The following TMC2 variants were observed in gnomAD, a reference collection of about 807,000 sequenced individuals.
TMC2 encodes transmembrane channel-like protein 2.
In TMC2, 102 loss-of-function variants were observed where a neutral mutation model predicts 105.9. That is an observed-to-expected ratio of 0.96 (90% CI 0.82 to 1.14). The LOEUF is 1.14. TMC2 is among the 50% of genes most tolerant of loss of function. The pLI, the probability that TMC2 is intolerant of heterozygous loss-of-function variation, is 0.00. For synonymous variants in TMC2, 402 were observed against 422.8 expected, an observed-to-expected ratio of 0.95 and a Z score of 0.60; for missense variants, 1,093 against 1,134.3, an observed-to-expected ratio of 0.96 and a Z score of 0.52.
intron 10 of TMC2, among the ~76,000 whole-genome samples, chr20:2,597,859 C>T (rs1267382737): frequency 4.6e-5 from 7 of 152,052 alleles, no homozygotes; most frequent in Admixed American, 1.3e-4. Flanking sequence ...CCTGTTTCTA[C>T]GTGAAACACA....
At position 2,545,784 on chromosome 20, in the gene TMC2, A is replaced by C. The variant is rs545001914; in HGVS notation, c.82+8468A>C. Among the ~76,000 whole-genome samples, 94 of 151,424 alleles carry C rather than the reference A, an allele frequency of 6.2e-4. No homozygotes were observed. The Middle Eastern group carries it at 0.01, about 16-fold the overall frequency. On this transcript the variant is annotated intron_variant, in intron 2 of 19. Coordinates refer to ENST00000358864, the MANE Select transcript of TMC2 (RefSeq NM_080751.3). Reference sequence around the variant, plus strand: ...ACGAGGAAGAAGAAGATGAAGAAGAAGACGAAGATGAAGAAGGAAGAAGAA... The same window carrying C: ...ACGAGGAAGAAGAAGATGAAGAAGACGACGAAGATGAAGAAGGAAGAAGAA...
intron 2 of TMC2, among the ~76,000 whole-genome samples, chr20:2,538,055 G>T (rs571199076): frequency 1.1e-3 from 165 of 151,340 alleles, no homozygotes; most frequent in African/African-American, 3.9e-3. Flanking sequence ...ATTCTGGGAG[G>T]GAGGGCCCTT....
At chr20:2,546,476 C>G (rs1185456441) in intron 2 of TMC2, among the ~76,000 whole-genome samples, 1 of 45,712 alleles carries the variant, frequency 2.2e-5, no homozygotes, top group African/African-American at 9.6e-5. Flanking sequence ...GAGTAGTAAC[C>G]TGCAGAGTTG....
chr20:2,572,647 C>T (rs2086112260), intron 5 of TMC2, among the ~76,000 whole-genome samples: 4 of 152,188 alleles, frequency 2.6e-5, no homozygotes, highest in Middle Eastern at 3.4e-3. Context: ...CAGCGATGTC[C>T]CCAGACGGAT....
intron 7 of TMC2, among the ~76,000 whole-genome samples, chr20:2,589,815 G>C (rs891098101): frequency 1.1e-4 from 17 of 152,036 alleles, no homozygotes; most frequent in Non-Finnish European, 1.9e-4. Context: ...GACTACAGGC[G>C]CCCGCCACCA....
chr20:2,610,359 A>G (rs1883978), intron 11 of TMC2, 60 bp from the exon 12 acceptor site: 362,834 of 1,483,458 alleles, frequency 0.24, 46,160 homozygotes, highest in African/African-American at 0.38. Flanking sequence ...GGGAGTGCAG[A>G]GATGGCAGCC....
At position 2,589,270 on chromosome 20, in the gene TMC2, C is replaced by CTTTGTGTGTGTGTGTG. The variant is rs1555774377; in HGVS notation, c.835-3039_835-3038insTTGTGTGTGTGTGTGT. Among the ~76,000 whole-genome samples the CTTTGTGTGTGTGTGTG allele has an allele frequency of 5.6e-3, 653 of 116,348 alleles. 10 individuals are homozygous for CTTTGTGTGTGTGTGTG. Among genetic ancestry groups the CTTTGTGTGTGTGTGTG allele is most frequent in the African/African-American group, 0.024 (619 of 25,820 alleles). The allele number at this position is 116,348 out of a possible 152,430, so 76.3% of individuals were successfully genotyped here. A position where few individuals can be genotyped will look rare whatever the true frequency, so the allele number is the denominator to read the frequency against. ...TTTTCCAGATATCTTCCTATTTGCC[C>CTTTGTGTGTGTGTGTG]TGTGTGTGTGTGTGTGTGTGTGTGT... On this transcript the variant is annotated intron_variant, in intron 7 of 19. Coordinates refer to ENST00000358864, the MANE Select transcript of TMC2 (RefSeq NM_080751.3).
At chr20:2,620,602 A>C (rs2086517980) in intron 16 of TMC2, among the ~76,000 whole-genome samples, 1 of 152,222 alleles carries the variant, frequency 6.6e-6, no homozygotes. Flanking sequence ...AAACATTACC[A>C]ACTTGGACTG....
At chr20:2,601,372 A>G (rs2086350417) in intron 10 of TMC2, among the ~76,000 whole-genome samples, 1 of 152,264 alleles carries the variant, frequency 6.6e-6, no homozygotes, top group Non-Finnish European at 1.5e-5. Flanking sequence ...AGCTTTTTAT[A>G]GAATGAGTTT....
At chr20:2,620,085 GAAAA>G (rs1291433207) in intron 16 of TMC2, among the ~76,000 whole-genome samples, 1 of 151,634 alleles carries the variant, frequency 6.6e-6, no homozygotes, top group Non-Finnish European at 1.5e-5. Context: ...CTTCAAAAAA[GAAAA>G]AAAGAAAAGA....
At chr20:2,599,539 ATTTTTTTTTTTT>A (rs11409325) in intron 10 of TMC2, among the ~76,000 whole-genome samples, 4 of 85,514 alleles carry the variant, frequency 4.7e-5, no homozygotes, top group African/African-American at 1.9e-4. Flanking sequence ...CTTTAATTAC[ATTTTTTTTTTTT>A]TTTTTTTTTT....
Position 2,558,578 on chromosome 20 carries a change from C to A in TMC2, c.205C>A (p.Pro69Thr). 1 of 1,553,514 alleles carries A rather than the reference C, an allele frequency of 6.4e-7. No individual in the cohort carries two copies. The highest frequency in any genetic ancestry group is 8.7e-7 in the Non-Finnish European group (1 of 1,148,194). ...RAGGSPSPGS[P>T]RRKQTGRRRH... ...CGGGGGCAGCCCAAGCCCGGGGTCT[C>A]CCCGGAGGAAGCAAACAGGGCGCAG... is the stretch of plus-strand genomic sequence containing the variant. Residue 69 changes from proline to threonine, a missense_variant, in exon 3 of 20, where the codon CCC becomes ACC. By Grantham distance (38) the Pro-to-Thr change is conservative. Coordinates refer to ENST00000358864, the MANE Select transcript of TMC2 (RefSeq NM_080751.3). The surrounding 1 kb of genome is among the most constrained non-coding windows in gnomAD (Gnocchi z 4.6).
rs1291462762 is a variant in TMC2, at chr20:2,641,997, A to G, written c.*646A>G. On this transcript the variant is annotated 3_prime_UTR_variant, in exon 20 of 20. Coordinates refer to ENST00000358864, the MANE Select transcript of TMC2 (RefSeq NM_080751.3). ...CTACTTGGGAGGCTGAGGCAGAAGG[A>G]TCACTTGAGCCCAGGAGGCAGAGGT... Among the ~76,000 whole-genome samples, 1 of 152,156 alleles carries G rather than the reference A, an allele frequency of 6.6e-6. No homozygotes were observed. Among genetic ancestry groups the G allele is most frequent in the Non-Finnish European group, 1.5e-5 (1 of 68,030 alleles).
chr20:2,627,109 C>A (rs777858679), intron 17 of TMC2, among the ~76,000 whole-genome samples: 1 of 152,120 alleles, frequency 6.6e-6, no homozygotes, highest in African/African-American at 2.4e-5. Flanking sequence ...TTCTGGGTGC[C>A]GACATAGTTG....
intron 14 of TMC2, among the ~76,000 whole-genome samples, chr20:2,615,850 C>T (rs540208453): frequency 6.6e-6 from 1 of 152,314 alleles, no homozygotes; most frequent in Admixed American, 6.5e-5. Context: ...CAAGAACACG[C>T]TGTCAGCCTG....
Position 2,641,267 on chromosome 20 carries a change from C to A in TMC2, c.2637C>A (p.Ile879=). Residue 879 remains isoleucine (I), a synonymous_variant, in exon 20 of 20, where the codon ATC becomes ATA. Transcript: ENST00000358864. ...TTCCTATATCTCGGCCCCCTGGAATCGGACCAGATTCTGGCCACGCCCCAT... is the reference window on the plus strand; with the variant it reads ...TTCCTATATCTCGGCCCCCTGGAATAGGACCAGATTCTGGCCACGCCCCAT... The part of the protein sequence containing the change: ...GHLPISRPPG[I]GPDSGHAPSQ... 2.5e-6 allele frequency: 4 copies of A among 1,614,150 alleles called. No individual in the cohort carries two copies. Among genetic ancestry groups the A allele is most frequent in the East Asian group, 2.2e-5 (1 of 44,874 alleles).
At chr20:2,576,264 A>G (rs1322913494) in intron 5 of TMC2, among the ~76,000 whole-genome samples, 1 of 152,186 alleles carries the variant, frequency 6.6e-6, no homozygotes, top group Non-Finnish European at 1.5e-5. Flanking sequence ...CACCTCACAC[A>G]GGCCTGAGAA....
In TMC2 at chr20:2,642,766, G is replaced by A. The variant is rs538057130; in HGVS notation, c.*1415G>A. Among the ~76,000 whole-genome samples the A allele has an allele frequency of 2.1e-3, 320 of 152,120 alleles. 3 individuals carry two copies. The highest frequency in any genetic ancestry group is 7.3e-3 in the African/African-American group (304 of 41,458). On this transcript the variant is annotated 3_prime_UTR_variant, in exon 20 of 20. Coordinates refer to ENST00000358864, the MANE Select transcript of TMC2 (RefSeq NM_080751.3). Reference sequence around the variant, plus strand: ...TCCTTTCCTCCACTCTGTGCTCCCAGACCCAGGTAAGCAGTGAGGCCTCAG... The same window carrying A: ...TCCTTTCCTCCACTCTGTGCTCCCAAACCCAGGTAAGCAGTGAGGCCTCAG...
At chr20:2,640,397 G>A (rs1011323345) in intron 19 of TMC2, among the ~76,000 whole-genome samples, 1 of 152,114 alleles carries the variant, frequency 6.6e-6, no homozygotes, top group East Asian at 1.9e-4. Flanking sequence ...ACTAGCTGCT[G>A]CAACAAAGAG....
Sources: gnomAD v4.1 joint callset for allele counts (sites outside exome capture counted in the v4.1 genomes callset) on GRCh38, gnomAD v4.1.1 for gene constraint, Gnocchi (gnomAD v3.1) non-coding constraint, MANE v1.5 for transcripts, NCBI Gene and HGNC (gene_info 2026-07-23, HGNC 2026-07-21) for gene names.